Variants in TRIM36 observed in about 807,000 individuals in gnomAD.
TRIM36 encodes E3 ubiquitin-protein ligase TRIM36.
Under a neutral mutation model 72.4 loss-of-function variants are expected in TRIM36, and 42 were observed. That is an observed-to-expected ratio of 0.58 (90% CI 0.45 to 0.75). The LOEUF is 0.75. Ranked by LOEUF, TRIM36 falls within the 30% of genes least tolerant of loss-of-function variation. The pLI is 0.00. For missense variants in TRIM36, 913 were observed against 857.1 expected, an observed-to-expected ratio of 1.07 and a Z score of -0.81; for synonymous variants, 315 against 282.8, an observed-to-expected ratio of 1.11 and a Z score of -1.14.
At chr5:115,134,281 TATATAG>T in intron 7 of TRIM36, 134 bp from the exon 8 acceptor site, 1 of 556,514 alleles carries the variant, frequency 1.8e-6, no homozygotes, top group Non-Finnish European at 2.6e-6. Context: ...TATAATACTA[TATATAG>T]AAAGCACAAA....
At position 115,158,106 on chromosome 5, in the gene TRIM36, A is replaced by G. The variant is rs1002403482; in HGVS notation, c.262+5412T>C. On this transcript the variant is annotated intron_variant, in intron 2 of 9. Coordinates refer to ENST00000513154, the MANE Select transcript of TRIM36 (RefSeq NM_001300759.2). ...CCAAACACCATCTGTACCCCAATAA[A>G]CTATGGAAATAAAAAAAATTTTAAA... 2.0e-5 allele frequency among the ~76,000 whole-genome samples: 3 copies of G among 149,846 alleles called. No homozygotes were observed. The East Asian group carries it at 5.9e-4, about 30-fold the overall frequency.
Position 115,169,788 on chromosome 5 carries a change from C to G in TRIM36, c.-154G>C. Reference sequence around the variant, plus strand: ...GCTGTACGTGGCCAGCGGACCGACGCGGGGAGAAGTAAGCCGGGGCAGGCA... The same window carrying G: ...GCTGTACGTGGCCAGCGGACCGACGGGGGGAGAAGTAAGCCGGGGCAGGCA... On this transcript the variant is annotated 5_prime_UTR_variant, in exon 1 of 10. Coordinates refer to ENST00000513154, the MANE Select transcript of TRIM36 (RefSeq NM_001300759.2). 9 of 1,313,372 alleles carry G rather than the reference C, an allele frequency of 6.9e-6. No homozygotes were observed. The highest frequency in any genetic ancestry group is 8.8e-6 in the Non-Finnish European group (9 of 1,024,330). 81.4% of individuals were successfully genotyped at this position (1,313,372 alleles called of 1,614,324 possible).
At position 115,177,499 on chromosome 5, in the gene TRIM36, A is replaced by C. The variant is rs556501113; in HGVS notation, c.63+2476T>G. 2.4e-4 allele frequency: 311 copies of C among 1,283,056 alleles called. 3 individuals carry two copies. The South Asian group carries it at 5.5e-3, about 23-fold the overall frequency. The allele number at this position is 1,283,056 out of a possible 1,614,324, so 79.5% of individuals were successfully genotyped here. A position where few individuals can be genotyped will look rare whatever the true frequency, so the allele number is the denominator to read the frequency against. ...AACCCGAACTACAAAGTGGAACCGA[A>C]CCCCACAGAGGAAAATAAAGCAAGT... On this transcript the variant is annotated intron_variant, in intron 1 of 9. Coordinates refer to the TRIM36 transcript ENST00000282369.
chr5:115,140,987 C>A (rs113371886), intron 5 of TRIM36, among the ~76,000 whole-genome samples: 2 of 152,128 alleles, frequency 1.3e-5, no homozygotes, highest in African/African-American at 4.8e-5. Context: ...TATCATTTCC[C>A]TTATGTTACT....
chr5:115,129,952 CTA>C (rs1390017624), intron 9 of TRIM36, among the ~76,000 whole-genome samples: 1 of 152,064 alleles, frequency 6.6e-6, no homozygotes, highest in African/African-American at 2.4e-5. Flanking sequence ...GGACATGTCA[CTA>C]TGTTTTACTG....
At chr5:115,166,432 C>A (rs1754778375) in intron 1 of TRIM36, among the ~76,000 whole-genome samples, 1 of 152,162 alleles carries the variant, frequency 6.6e-6, no homozygotes, top group African/African-American at 2.4e-5. Flanking sequence ...GAGGAGGTAC[C>A]CACTCCGGGT....
chr5:115,169,589 C>T lies in TRIM36; in HGVS notation c.27+19G>A. On this transcript the variant is annotated intron_variant, in intron 1 of 9. Coordinates refer to ENST00000513154, the MANE Select transcript of TRIM36 (RefSeq NM_001300759.2). ...CACACCGCCCTCGAGGTGGGGGCGG[C>T]GGTCCCCTCCGCACTCACCGGCGAA... 2 of 1,507,498 alleles carry T rather than the reference C, an allele frequency of 1.3e-6. No homozygotes were observed. Among genetic ancestry groups the T allele is most frequent in the East Asian group, 2.6e-5 (1 of 39,006 alleles). The allele number at this position is 1,507,498 out of a possible 1,614,324, so 93.4% of individuals were successfully genotyped here.
upstream of TRIM36, among the ~76,000 whole-genome samples, chr5:115,173,504 G>A (rs1337283835): frequency 2.0e-5 from 3 of 150,068 alleles, no homozygotes; most frequent in South Asian, 2.1e-4. Flanking sequence ...TGGGGGGTGT[G>A]TGGACATGTG....
chr5:115,137,106 T>C lies in TRIM36; in HGVS notation c.1104A>G (p.Glu368=), dbSNP rs751719533. ...CTGCAGGTCTAAAGCTCTTCAAAGA[T>C]TCTGTGGCTTTCTGTATTCTGCAGA... ...QLHLRIQKAT[E]SLKSFRPAAQ... The change falls in exon 7 of 10, where the codon GAA becomes GAG. Residue 368 remains glutamate (E), a synonymous_variant. Coordinates refer to ENST00000513154, the MANE Select transcript of TRIM36 (RefSeq NM_001300759.2). The C allele has an allele frequency of 1.3e-6, 2 of 1,596,000 alleles. No homozygotes were observed. Among genetic ancestry groups the C allele is most frequent in the East Asian group, 4.5e-5 (2 of 44,706 alleles).
exon 1 of TRIM36, chr5:115,179,990 C>T: frequency 1.2e-6 from 2 of 1,614,100 alleles, no homozygotes; most frequent in Admixed American, 1.7e-5. Flanking sequence ...CTTTAGCTAT[C>T]AATTCCATGA....
intron 7 of TRIM36, 102 bp from the exon 8 acceptor site, chr5:115,134,249 T>C (rs1486373074): frequency 9.6e-7 from 1 of 1,045,326 alleles, no homozygotes; most frequent in African/African-American, 1.7e-5. Context: ...TAATGATTTC[T>C]ATACTAATAC....
In TRIM36 at chr5:115,124,921, T is replaced by A. The variant is rs1049689030; in HGVS notation, c.*1582A>T. Reference sequence around the variant, plus strand: ...ACAAGGCTTGAGTATCAACCACAAATGTGACTTTAGCAGCTTTATTGCATA... The same window carrying A: ...ACAAGGCTTGAGTATCAACCACAAAAGTGACTTTAGCAGCTTTATTGCATA... On this transcript the variant is annotated 3_prime_UTR_variant, in exon 10 of 10. Transcript: ENST00000513154. 1 of 152,540 alleles carries A rather than the reference T, an allele frequency of 6.6e-6. No individual in the cohort carries two copies. The highest frequency in any genetic ancestry group is 2.4e-5 in the African/African-American group (1 of 41,450). 9.4% of individuals were successfully genotyped at this position (152,540 alleles called of 1,614,324 possible).
intron 2 of TRIM36, 124 bp downstream of exon 2, chr5:115,163,394 A>T: frequency 1.3e-6 from 1 of 795,038 alleles, no homozygotes; most frequent in Non-Finnish European, 2.0e-6. Flanking sequence ...CTACAGTTTT[A>T]ATTTATTCAC....
intron 2 of TRIM36, chr5:115,149,079 T>G (rs1026764139): frequency 6.6e-6 from 1 of 152,190 alleles, no homozygotes; most frequent in Non-Finnish European, 1.5e-5. Context: ...ATATCTTCAT[T>G]TAAAGATATT....
At chr5:115,178,236 G>A (rs1170737146) in intron 1 of TRIM36, among the ~76,000 whole-genome samples, 4 of 152,160 alleles carry the variant, frequency 2.6e-5, no homozygotes, top group African/African-American at 9.7e-5. Flanking sequence ...ATATCTGAGC[G>A]CCATAGGACA....
intron 7 of TRIM36, among the ~76,000 whole-genome samples, chr5:115,134,671 G>A (rs1011897609): frequency 1.3e-5 from 2 of 151,962 alleles, no homozygotes; most frequent in Admixed American, 6.6e-5. Context: ...CTCCCAAGTA[G>A]CTGGGATTAC....
rs976534951 is a variant in TRIM36 at position 115,126,336 on chromosome 5, G to C, written c.*167C>G. The stretch of plus-strand genomic sequence containing the variant: ...CATCATTTGTGAAAGGCAGAACAAC[G>C]ACATGAAGACACAAGGCTGTTTAGA... On this transcript the variant is annotated 3_prime_UTR_variant, in exon 10 of 10. Transcript: ENST00000513154. 2 of 576,784 alleles carry C rather than the reference G, an allele frequency of 3.5e-6. No individual in the cohort carries two copies. The highest frequency in any genetic ancestry group is 1.9e-5 in the African/African-American group (1 of 53,782). 35.7% of individuals were successfully genotyped at this position (576,784 alleles called of 1,614,324 possible). A position where few individuals can be genotyped will look rare whatever the true frequency, so the allele number is the denominator to read the frequency against.
intron 4 of TRIM36, among the ~76,000 whole-genome samples, chr5:115,143,793 C>T (rs977157350): frequency 3.9e-5 from 6 of 152,174 alleles, no homozygotes; most frequent in Non-Finnish European, 8.8e-5. Flanking sequence ...TAGTGTACTG[C>T]TGCCTTTGTT....
At chr5:115,153,931 C>A (rs1319341357) in intron 2 of TRIM36, 1 of 152,070 alleles carries the variant, frequency 6.6e-6, no homozygotes, top group Admixed American at 6.6e-5. Context: ...TATGATAGGC[C>A]ACAAAATGAG....
Sources: gnomAD v4.1 joint callset for allele counts (sites outside exome capture counted in the v4.1 genomes callset) on GRCh38, gnomAD v4.1.1 for gene constraint, MANE v1.5 for transcripts, NCBI Gene and HGNC (gene_info 2026-07-23, HGNC 2026-07-21) for gene names.